Variants in PADI6 observed in about 807,000 individuals in gnomAD.
The protein encoded by PADI6 is inactive protein-arginine deiminase type-6.
A neutral mutation model predicts 78.2 loss-of-function variants in PADI6; 66 were observed. That is an observed-to-expected ratio of 0.84 (90% confidence interval 0.69 to 1.04). The LOEUF (loss-of-function observed/expected upper bound fraction) is 1.04, where lower values mean the gene tolerates loss of function less well. PADI6 is among the 50% of genes least tolerant of loss of function. The pLI is 0.00. For synonymous variants in PADI6, 397 were observed against 346.9 expected, an observed-to-expected ratio of 1.14 and a Z score of -1.60; for missense variants, 854 against 866.1, an observed-to-expected ratio of 0.99 and a Z score of 0.18.
At chr1:17,389,450 T>C (rs1412653461) in intron 8 of PADI6, among the ~76,000 whole-genome samples, 1 of 152,110 alleles carries the variant, frequency 6.6e-6, no homozygotes, top group African/African-American at 2.4e-5. Context: ...GGCTGCCTCC[T>C]CTCTGGAGGC....
intron 9 of PADI6, 54 bp downstream of exon 9, chr1:17,392,279 T>C: frequency 7.6e-7 from 1 of 1,321,982 alleles, no homozygotes; most frequent in South Asian, 1.3e-5. Flanking sequence ...AGACTCAGCA[T>C]GTGCCACCTA....
chr1:17,398,653 C>CA, intron 14 of PADI6, 33 bp from the exon 15 acceptor site: 2 of 135,092 alleles, frequency 1.5e-5, no homozygotes, highest in South Asian at 8.7e-5. Context: ...CTTGCTCCCC[C>CA]GCCCCCCCCC....
At position 17,401,127 on chromosome 1, in the gene PADI6, C is replaced by G; in HGVS notation, c.1852-78C>G. ...GCCTGCCTGCTACGCCTGGTCTGAC[C>G]GCAGAGAGGCAGGTGGGCGGCTGGC... On this transcript the variant is annotated intron_variant, in intron 15 of 15. Coordinates refer to ENST00000619609, the MANE Select transcript of PADI6 (RefSeq NM_207421.4). 2.9e-6 allele frequency: 4 copies of G among 1,378,966 alleles called. No individual in the cohort carries two copies. The South Asian group carries it at 5.1e-5, about 18-fold the overall frequency. 85.4% of individuals were successfully genotyped at this position (1,378,966 alleles called of 1,614,324 possible). A position where few individuals can be genotyped will look rare whatever the true frequency, so the allele number is the denominator to read the frequency against.
At chr1:17,379,517 A>G (rs2075052095) in intron 3 of PADI6, among the ~76,000 whole-genome samples, 1 of 152,096 alleles carries the variant, frequency 6.6e-6, no homozygotes, top group Non-Finnish European at 1.5e-5. Flanking sequence ...TCAGTCTCCC[A>G]GTGTTGGGAT....
chr1:17,376,163 C>G (rs2075014021), intron 3 of PADI6, among the ~76,000 whole-genome samples: 1 of 151,544 alleles, frequency 6.6e-6, no homozygotes, highest in Admixed American at 6.6e-5. Context: ...TTAGTAGAGA[C>G]AGGTTTTCAC....
chr1:17,396,099 G>C (rs2075244646), intron 13 of PADI6, among the ~76,000 whole-genome samples: 1 of 152,060 alleles, frequency 6.6e-6, no homozygotes, highest in African/African-American at 2.4e-5. Context: ...AAGGCTGTGG[G>C]AGTGGGCTGG....
At chr1:17,372,819 A>G (rs1435013124) in intron 1 of PADI6, among the ~76,000 whole-genome samples, 1 of 151,728 alleles carries the variant, frequency 6.6e-6, no homozygotes, top group Non-Finnish European at 1.5e-5. Context: ...ACTAAGATGT[A>G]GCTGTGGTAA....
intron 9 of PADI6, among the ~76,000 whole-genome samples, chr1:17,392,927 TG>T (rs1368385282): frequency 6.6e-6 from 1 of 152,042 alleles, no homozygotes; most frequent in Admixed American, 6.6e-5. Flanking sequence ...GCTGATCACT[TG>T]AGGTCAGGAG....
In PADI6 at chr1:17,397,153, G is replaced by A. The variant is rs2075255119; in HGVS notation, c.1689+12G>A. The A allele has an allele frequency of 6.2e-7, 1 of 1,613,380 alleles. No homozygotes were observed. Among genetic ancestry groups the A allele is most frequent in the Non-Finnish European group, 8.5e-7 (1 of 1,179,640 alleles). ...ATGAATACGTGGAGGTAGGACCAGT[G>A]TGAAGGGGGCCATCCCCAAGAAAGA... On this transcript the variant is annotated intron_variant, in intron 14 of 15. Transcript: ENST00000619609.
At chr1:17,390,324 G>T (rs911311068) in intron 8 of PADI6, among the ~76,000 whole-genome samples, 8 of 151,702 alleles carry the variant, frequency 5.3e-5, no homozygotes, top group Non-Finnish European at 1.2e-4. Context: ...AAATTGCTGG[G>T]TGTGGTGGCT....
At chr1:17,399,377 T>A (rs1489003662) in intron 15 of PADI6, among the ~76,000 whole-genome samples, 1 of 152,052 alleles carries the variant, frequency 6.6e-6, no homozygotes, top group Non-Finnish European at 1.5e-5. Flanking sequence ...GGCAGGTGGA[T>A]CACCTGAGGT....
At chr1:17,391,248 C>G (rs941416530) in intron 8 of PADI6, among the ~76,000 whole-genome samples, 1 of 152,128 alleles carries the variant, frequency 6.6e-6, no homozygotes, top group African/African-American at 2.4e-5. Context: ...GAGATGGAGT[C>G]TCGCTCCGTT....
At chr1:17,388,589 A>G (rs370830212) in intron 7 of PADI6, 30 bp downstream of exon 7, 25 of 1,562,422 alleles carry the variant, frequency 1.6e-5, no homozygotes, top group South Asian at 2.3e-5. Flanking sequence ...GGGTCCTCAG[A>G]CTAGGATGCT....
In PADI6 at chr1:17,388,797, G is replaced by T. The variant is rs367811280; in HGVS notation, c.879G>T (p.Leu293=). 4 of 1,613,588 alleles carry T rather than the reference G, an allele frequency of 2.5e-6. No homozygotes were observed. Among genetic ancestry groups the T allele is most frequent in the Non-Finnish European group, 3.4e-6 (4 of 1,179,808 alleles). Residue 293 remains leucine, a synonymous_variant, in exon 8 of 16, where the codon CTG becomes CTT. Transcript: ENST00000619609. ...TGCAGTCAATTCCAGAGACTGTGCT[G>T]TACAAAGACACGGTGGTGTTCCGGG... The part of the protein sequence containing the change: ...SQDPSIPETV[L]YKDTVVFRVA...
At chr1:17,383,095 T>C (rs1424925338) in intron 6 of PADI6, among the ~76,000 whole-genome samples, 1 of 152,216 alleles carries the variant, frequency 6.6e-6, no homozygotes, top group Non-Finnish European at 1.5e-5. Context: ...ACCTGCCACC[T>C]TGTCTTGTAA....
At position 17,372,414 on chromosome 1, in the gene PADI6, T is replaced by C. The variant is rs1005874225; in HGVS notation, c.116+53T>C. On this transcript the variant is annotated intron_variant, in intron 1 of 15. Coordinates refer to ENST00000619609, the MANE Select transcript of PADI6 (RefSeq NM_207421.4). ...TGGCAGGCAGACAGGCAGGCAGGCCTGGGACCCAGTCCCCTTGATCTGGGA... is the reference window on the plus strand; with the variant it reads ...TGGCAGGCAGACAGGCAGGCAGGCCCGGGACCCAGTCCCCTTGATCTGGGA... The C allele has an allele frequency of 5.0e-5, 76 of 1,513,770 alleles. No individual in the cohort carries two copies. The Admixed American group carries it at 1.3e-3, about 25-fold the overall frequency. 93.8% of individuals were successfully genotyped at this position (1,513,770 alleles called of 1,614,324 possible).
chr1:17,386,333 G>A (rs2075119370), intron 6 of PADI6, among the ~76,000 whole-genome samples: 1 of 152,188 alleles, frequency 6.6e-6, no homozygotes, highest in South Asian at 2.1e-4. Context: ...TGTGAGAGGG[G>A]CCCCCAGAAG....
rs1199558632 is a variant in PADI6, at chr1:17,395,111, T to A, written c.1494+4T>A. The A allele has an allele frequency of 6.2e-7, 1 of 1,613,176 alleles. No homozygotes were observed. The highest frequency in any genetic ancestry group is 8.5e-7 in the Non-Finnish European group (1 of 1,179,392). ...TGACAAGAATGAGGGCAAAAAGGTC[T>A]GCTTTGGGGTCTGGAGAAGGGACAT... is the stretch of plus-strand genomic sequence containing the variant. On this transcript the variant is annotated splice_donor_region_variant and intron_variant, in intron 12 of 15. Transcript: ENST00000619609.
In PADI6 at chr1:17,375,547, G is replaced by C. The variant is rs1296824850; in HGVS notation, c.367+48G>C. The C allele has an allele frequency of 2.6e-6, 4 of 1,511,098 alleles. No homozygotes were observed. In the Admixed American group the frequency reaches 5.7e-5, roughly 22 times the overall value. The allele number at this position is 1,511,098 out of a possible 1,614,324, so 93.6% of individuals were successfully genotyped here. On this transcript the variant is annotated intron_variant, in intron 3 of 15. Coordinates refer to ENST00000619609, the MANE Select transcript of PADI6 (RefSeq NM_207421.4). ...GCCTGGGGCCCAACTCACCGCTGGGGTTGGGGAAGGGGTGGGATTGTAGGA... is the reference window on the plus strand; with the variant it reads ...GCCTGGGGCCCAACTCACCGCTGGGCTTGGGGAAGGGGTGGGATTGTAGGA...
Sources: gnomAD v4.1 joint callset for allele counts (sites outside exome capture counted in the v4.1 genomes callset) on GRCh38, gnomAD v4.1.1 for gene constraint, MANE v1.5 for transcripts, NCBI Gene and HGNC (gene_info 2026-07-23, HGNC 2026-07-21) for gene names.